CRYBG1: variants seen among roughly 807,000 people sequenced by gnomAD.
The protein encoded by CRYBG1 is crystallin beta-gamma domain containing 1.
A neutral mutation model predicts 189.2 loss-of-function variants in CRYBG1; 139 were observed. The ratio of observed to expected loss-of-function variants is 0.73; its 90% CI spans 0.64 to 0.85. CRYBG1 has a LOEUF of 0.85. Among genes scored for constraint, CRYBG1 ranks in the 40% least tolerant of loss-of-function variants. CRYBG1 has a pLI of 0.00. For missense variants in CRYBG1, 2,611 were observed against 2,675.8 expected, an observed-to-expected ratio of 0.98 and a Z score of 0.53; for synonymous variants, 1,023 against 1,017.1, an observed-to-expected ratio of 1.01 and a Z score of -0.11.
In CRYBG1 at chr6:106,472,039, A is replaced by G. The variant is rs1314324863; in HGVS notation, c.312+20207A>G. Among the ~76,000 whole-genome samples, 3 of 152,388 alleles carry G rather than the reference A, an allele frequency of 2.0e-5. No individual in the cohort carries two copies. In the East Asian group the frequency reaches 5.8e-4, roughly 29 times the overall value. ...TACTTACTCTCTGAGCGTTATGCAT[A>G]TGAATATGGCTTTAGCTTCCCTTTT... On this transcript the variant is annotated intron_variant, in intron 2 of 21. Transcript: ENST00000633556.
At chr6:106,389,887 A>C (rs1770468082) in intron 1 of CRYBG1, among the ~76,000 whole-genome samples, 2 of 152,074 alleles carry the variant, frequency 1.3e-5, no homozygotes, top group Admixed American at 1.3e-4. Flanking sequence ...AGCTGCTACA[A>C]CTTAAGCCCT....
At chr6:106,496,844 C>T (rs1483255372) in intron 2 of CRYBG1, among the ~76,000 whole-genome samples, 2 of 152,200 alleles carry the variant, frequency 1.3e-5, no homozygotes, top group Non-Finnish European at 2.9e-5. Flanking sequence ...TTTTAATTTT[C>T]ATTCGAAGTG....
At chr6:106,395,987 C>T (rs1399745995) in intron 1 of CRYBG1, among the ~76,000 whole-genome samples, 4 of 152,124 alleles carry the variant, frequency 2.6e-5, no homozygotes, top group South Asian at 4.2e-4. Flanking sequence ...TGGATCCAAC[C>T]GTATGAAAGG....
chr6:106,429,910 T>A (rs1025574197), intron 1 of CRYBG1, among the ~76,000 whole-genome samples: 6 of 152,230 alleles, frequency 3.9e-5, no homozygotes, highest in African/African-American at 1.4e-4. Flanking sequence ...CTTAGTACTA[T>A]TGAGTTGATT....
At chr6:106,400,936 C>A (rs1353792830) in intron 1 of CRYBG1, among the ~76,000 whole-genome samples, 1 of 152,094 alleles carries the variant, frequency 6.6e-6, no homozygotes, top group South Asian at 2.1e-4. Flanking sequence ...GTGACCAGAG[C>A]AATGAAAGTG....
At position 106,563,275 on chromosome 6, in the gene CRYBG1, A is replaced by G. The variant is rs559537846; in HGVS notation, c.6139-489A>G. On this transcript the variant is annotated intron_variant, in intron 20 of 21. Coordinates refer to ENST00000633556, the MANE Select transcript of CRYBG1 (RefSeq NM_001371242.2). ...GTTTAGAAAATTTTAATTCTCATGA[A>G]GGAAAGACAAATGCTAATAAATGCA... 1.5e-4 allele frequency among the ~76,000 whole-genome samples: 23 copies of G among 152,318 alleles called. No homozygotes were observed. In the East Asian group the frequency reaches 3.9e-3, roughly 26 times the overall value.
chr6:106,570,531 T>A lies in CRYBG1; in HGVS notation c.*1965T>A, dbSNP rs926635276. The A allele has an allele frequency of 1.3e-5, 2 of 152,202 alleles. No individual in the cohort carries two copies. Among genetic ancestry groups the A allele is most frequent in the African/African-American group, 4.8e-5 (2 of 41,454 alleles). 9.4% of individuals were successfully genotyped at this position (152,202 alleles called of 1,614,324 possible). Reference sequence around the variant, plus strand: ...TCAGCTAGCAGATTAGAAACAAATGTCTGATTAGGATGAAGCAGGTTTGAG... The same window carrying A: ...TCAGCTAGCAGATTAGAAACAAATGACTGATTAGGATGAAGCAGGTTTGAG... On this transcript the variant is annotated 3_prime_UTR_variant, in exon 22 of 22. Transcript: ENST00000633556.
At position 106,520,583 on chromosome 6, in the gene CRYBG1, A is replaced by G. The variant is rs1773578025; in HGVS notation, c.3375A>G (p.Arg1125=). 6.2e-7 allele frequency: 1 copy of G among 1,614,044 alleles called. No individual in the cohort carries two copies. The highest frequency in any genetic ancestry group is 8.5e-7 in the Non-Finnish European group (1 of 1,179,942). The change falls in exon 4 of 22, where the codon AGA becomes AGG. Residue 1125 remains arginine (R), a synonymous_variant. Coordinates refer to ENST00000633556, the MANE Select transcript of CRYBG1 (RefSeq NM_001371242.2). ...GCGCAGTTTGTATGCCCATGAAAAG[A>G]AAGAAGGCCAGGATGCCAAACTCTC... ...MDSAVCMPMK[R]KKARMPNSPA... is the part of the protein sequence containing the mutation.
At chr6:106,472,739 TAAAA>T (rs34089235) in intron 2 of CRYBG1, among the ~76,000 whole-genome samples, 1 of 144,656 alleles carries the variant, frequency 6.9e-6, no homozygotes, top group Non-Finnish European at 1.5e-5. Flanking sequence ...CACAAAATAT[TAAAA>T]AAAAAAAAAA....
intron 8 of CRYBG1, among the ~76,000 whole-genome samples, chr6:106,530,708 T>A (rs1030095622): frequency 2.6e-5 from 4 of 152,162 alleles, no homozygotes; most frequent in Non-Finnish European, 4.4e-5. Flanking sequence ...CTTCCTTGAA[T>A]ATTTTCACAC....
intron 2 of CRYBG1, among the ~76,000 whole-genome samples, chr6:106,476,352 G>A (rs117111170): frequency 7.1e-4 from 108 of 152,278 alleles, no homozygotes; most frequent in Non-Finnish European, 8.2e-4. Flanking sequence ...AGGATCTGGG[G>A]CAACTCATTC....
Position 106,541,586 on chromosome 6 carries a change from G to T in CRYBG1, c.4846G>T (p.Gly1616Cys). Residue 1616 changes from glycine (G) to cysteine (C), a missense_variant and splice_region_variant, in exon 10 of 22, where the codon GGT becomes TGT. Around this residue, in one of 3 missense-constraint regions of CRYBG1, gnomAD observed 1,622 missense variants for 1,735.0 expected, o/e 0.93. Transcript: ENST00000633556. ...YIGSMRPLKM[G>C]GRKVEFPTDP... is the part of the protein sequence containing the mutation. The stretch of plus-strand genomic sequence containing the variant: ...TTTCTTACTATGTTGTTTTTTTCAG[G>T]GTGGCCGTAAAGTTGAATTCCCTAC... The T allele has an allele frequency of 6.2e-7, 1 of 1,611,500 alleles. No individual in the cohort carries two copies. Among genetic ancestry groups the T allele is most frequent in the Non-Finnish European group, 8.5e-7 (1 of 1,178,178 alleles).
intron 1 of CRYBG1, among the ~76,000 whole-genome samples, chr6:106,404,134 A>C (rs1006083440): frequency 3.9e-5 from 6 of 152,200 alleles, no homozygotes; most frequent in African/African-American, 1.4e-4. Context: ...TATGGAGCAC[A>C]CTGGCTTGGT....
At position 106,568,808 on chromosome 6, in the gene CRYBG1, T is replaced by C; in HGVS notation, c.*242T>C. ...CTTGCCTTTCATTTTTGGTAGCTGC[T>C]TAAACAGGTTGCCTAATTAGCAGCT... On this transcript the variant is annotated 3_prime_UTR_variant, in exon 22 of 22. Coordinates refer to ENST00000633556, the MANE Select transcript of CRYBG1 (RefSeq NM_001371242.2). The C allele has an allele frequency of 5.0e-6, 2 of 402,742 alleles. No individual in the cohort carries two copies. The highest frequency in any genetic ancestry group is 1.1e-4 in the South Asian group (2 of 17,878). 24.9% of individuals were successfully genotyped at this position (402,742 alleles called of 1,614,324 possible). A position where few individuals can be genotyped will look rare whatever the true frequency, so the allele number is the denominator to read the frequency against.
At chr6:106,475,153 C>T (rs1474409482) in intron 2 of CRYBG1, among the ~76,000 whole-genome samples, 2 of 152,030 alleles carry the variant, frequency 1.3e-5, no homozygotes, top group Non-Finnish European at 2.9e-5. Flanking sequence ...AAAAATCACC[C>T]GAATGTTTCA....
intron 2 of CRYBG1, among the ~76,000 whole-genome samples, chr6:106,468,198 A>G (rs916549624): frequency 1.3e-5 from 2 of 152,240 alleles, no homozygotes; most frequent in Admixed American, 6.5e-5. Context: ...GAATCTGTCC[A>G]GCTCTTGACA....
chr6:106,404,931 G>A (rs954411685), intron 1 of CRYBG1, among the ~76,000 whole-genome samples: 1 of 152,018 alleles, frequency 6.6e-6, no homozygotes, highest in Non-Finnish European at 1.5e-5. Context: ...CAGGACCTTG[G>A]GTTTCAAGCA....
At chr6:106,429,989 A>G (rs190559276) in intron 1 of CRYBG1, among the ~76,000 whole-genome samples, 6 of 152,314 alleles carry the variant, frequency 3.9e-5, no homozygotes, top group Admixed American at 2.0e-4. Context: ...AATATATTAC[A>G]TATTATTTTT....
intron 1 of CRYBG1, chr6:106,449,272 A>G (rs1229130377): frequency 6.6e-6 from 1 of 152,208 alleles, no homozygotes; most frequent in East Asian, 1.9e-4. Flanking sequence ...CTCTCTTGTC[A>G]CTTGGAGTCA....
Sources: gnomAD v4.1 joint callset for allele counts (sites outside exome capture counted in the v4.1 genomes callset) on GRCh38, gnomAD v4.1.1 for gene constraint, gnomAD v4.1.1 regional missense constraint, MANE v1.5 for transcripts, NCBI Gene and HGNC (gene_info 2026-07-23, HGNC 2026-07-21) for gene names.